The following ZCCHC7 variants were observed in gnomAD, a reference collection of about 807,000 sequenced individuals.
ZCCHC7 encodes the protein zinc finger CCHC domain-containing protein 7.
In ZCCHC7, 35 loss-of-function variants were observed where a neutral mutation model predicts 52.0. The observed-to-expected ratio is 0.67, with a 90% CI of 0.51 to 0.89. ZCCHC7 has a LOEUF of 0.89. ZCCHC7 is among the 40% of genes least tolerant of loss of function. The pLI is 0.00. For missense variants in ZCCHC7, 574 were observed against 649.1 expected, an observed-to-expected ratio of 0.88 and a Z score of 1.26; for synonymous variants, 217 against 221.5, an observed-to-expected ratio of 0.98 and a Z score of 0.18.
chr9:37,338,343 A>G, intron 6 of ZCCHC7, among the ~76,000 whole-genome samples: 1 of 152,290 alleles, frequency 6.6e-6, no homozygotes, highest in Middle Eastern at 3.4e-3. Context: ...AAGTTATACC[A>G]ATAATTTATA....
intron 6 of ZCCHC7, among the ~76,000 whole-genome samples, chr9:37,342,414 A>G (rs1820697886): frequency 6.6e-6 from 1 of 152,234 alleles, no homozygotes; most frequent in Non-Finnish European, 1.5e-5. Flanking sequence ...TAGAGTTAAC[A>G]GAGATCAAGG....
chr9:37,292,144 GT>G (rs1330811776), intron 2 of ZCCHC7, among the ~76,000 whole-genome samples: 1 of 152,114 alleles, frequency 6.6e-6, no homozygotes, highest in Non-Finnish European at 1.5e-5. Context: ...AATAATATGC[GT>G]TTGCTGTCTT....
Position 37,354,937 on chromosome 9 carries a change from G to GC in ZCCHC7, c.1198+113_1198+114insC. ...TTGGTTAGCATAGAAAGTATTTTTA[G>GC]TAATTACCAAAGAGACTGGAACTTT... On this transcript the variant is annotated intron_variant, in intron 8 of 8. Transcript: ENST00000336755. This position sits in a 1 kb window ranked among gnomAD's most constrained non-coding sequence, Gnocchi z 4.0. The GC allele has an allele frequency of 1.6e-6, 1 of 629,986 alleles. No individual in the cohort carries two copies. The highest frequency in any genetic ancestry group is 2.6e-6 in the Non-Finnish European group (1 of 377,776). The allele number at this position is 629,986 out of a possible 1,614,324, so 39.0% of individuals were successfully genotyped here. A position where few individuals can be genotyped will look rare whatever the true frequency, so the allele number is the denominator to read the frequency against.
intron 2 of ZCCHC7, among the ~76,000 whole-genome samples, chr9:37,270,134 A>G (rs1002328827): frequency 6.6e-6 from 1 of 152,224 alleles, no homozygotes; most frequent in Non-Finnish European, 1.5e-5. Context: ...TATTTTAGCT[A>G]TATTGTGCTA....
At chr9:37,298,998 T>C in intron 2 of ZCCHC7, among the ~76,000 whole-genome samples, 1 of 152,268 alleles carries the variant, frequency 6.6e-6, no homozygotes, top group East Asian at 1.9e-4. Flanking sequence ...TTCCAATAGA[T>C]GTTTGTTAAA....
intron 2 of ZCCHC7, among the ~76,000 whole-genome samples, chr9:37,166,749 T>C (rs1386604469): frequency 6.6e-6 from 1 of 152,188 alleles, no homozygotes; most frequent in East Asian, 1.9e-4. Flanking sequence ...TGTGTCTTTA[T>C]TTTCTCTTTG....
chr9:37,311,548 T>G (rs1018126775), intron 5 of ZCCHC7, among the ~76,000 whole-genome samples: 15 of 152,272 alleles, frequency 9.9e-5, no homozygotes, highest in African/African-American at 3.6e-4. Context: ...TAGCTGGGAT[T>G]ACAGGCATGA....
At chr9:37,202,094 T>C (rs956010040) in intron 2 of ZCCHC7, among the ~76,000 whole-genome samples, 5 of 152,248 alleles carry the variant, frequency 3.3e-5, no homozygotes, top group African/African-American at 9.6e-5. Flanking sequence ...GTCTCTGATA[T>C]AATGCATAAA....
chr9:37,348,970 C>T (rs1481482060), intron 6 of ZCCHC7, among the ~76,000 whole-genome samples: 3 of 152,172 alleles, frequency 2.0e-5, no homozygotes, highest in Non-Finnish European at 2.9e-5. Flanking sequence ...TAACCCCATC[C>T]GCTGGTGGGG....
chr9:37,252,365 A>G (rs1186169935), intron 2 of ZCCHC7, among the ~76,000 whole-genome samples: 1 of 152,240 alleles, frequency 6.6e-6, no homozygotes, highest in Non-Finnish European at 1.5e-5. Flanking sequence ...AGGCAAAAGT[A>G]AAAATATGCA....
At chr9:37,248,099 T>C (rs2133382068) in intron 2 of ZCCHC7, among the ~76,000 whole-genome samples, 1 of 152,310 alleles carries the variant, frequency 6.6e-6, no homozygotes, top group East Asian at 1.9e-4. Context: ...TTAAAAATTA[T>C]TTTTAGTGTT....
At position 37,283,013 on chromosome 9, in the gene ZCCHC7, C is replaced by T. The variant is rs1210815771; in HGVS notation, c.611-19175C>T. Among the ~76,000 whole-genome samples, 3 of 151,306 alleles carry T rather than the reference C, an allele frequency of 2.0e-5. No homozygotes were observed. In the East Asian group the frequency reaches 5.8e-4, roughly 29 times the overall value. On this transcript the variant is annotated intron_variant, in intron 2 of 8. Coordinates refer to ENST00000336755, the MANE Select transcript of ZCCHC7 (RefSeq NM_032226.3). ...GTGTTGAAGCAACTCAATCATGCTACTACTAATAGTTCCTCTTGGGTTGAG... is the reference window on the plus strand; with the variant it reads ...GTGTTGAAGCAACTCAATCATGCTATTACTAATAGTTCCTCTTGGGTTGAG...
intron 2 of ZCCHC7, among the ~76,000 whole-genome samples, chr9:37,250,338 G>A (rs1331789739): frequency 8.0e-6 from 1 of 124,264 alleles, no homozygotes; most frequent in Non-Finnish European, 1.6e-5. Context: ...TTTTTGCTCT[G>A]TTGTCCAGAT....
At position 37,227,699 on chromosome 9, in the gene ZCCHC7, C is replaced by T. The variant is rs140372503; in HGVS notation, c.611-74489C>T. 1.7e-4 allele frequency among the ~76,000 whole-genome samples: 26 copies of T among 152,308 alleles called. No individual in the cohort carries two copies. In the East Asian group the frequency reaches 4.6e-3, roughly 27 times the overall value. ...TTGAAATAACCTGAATGTTCGTCAC[C>T]TAGTAAACTGATAAGCAAATGTTGA... On this transcript the variant is annotated intron_variant, in intron 2 of 8. Transcript: ENST00000336755.
intron 2 of ZCCHC7, among the ~76,000 whole-genome samples, chr9:37,144,243 G>A (rs549797765): frequency 6.6e-6 from 1 of 151,888 alleles, no homozygotes; most frequent in African/African-American, 2.4e-5. Context: ...GAGAAATCTG[G>A]TCAAGTATAG....
chr9:37,329,970 A>T (rs963392359), intron 6 of ZCCHC7, among the ~76,000 whole-genome samples: 3 of 151,954 alleles, frequency 2.0e-5, no homozygotes, highest in Non-Finnish European at 4.4e-5. Flanking sequence ...CTTACCCCAA[A>T]TGATGGCAAA....
intron 2 of ZCCHC7, among the ~76,000 whole-genome samples, chr9:37,165,868 A>C (rs952083491): frequency 2.0e-5 from 3 of 152,260 alleles, no homozygotes. Flanking sequence ...TGGAAAATTC[A>C]GATTCATCAA....
chr9:37,203,646 T>C (rs1050749595), intron 2 of ZCCHC7, among the ~76,000 whole-genome samples: 1 of 152,236 alleles, frequency 6.6e-6, no homozygotes, highest in African/African-American at 2.4e-5. Flanking sequence ...CTCATTCCTT[T>C]TTGTGGCTGC....
intron 2 of ZCCHC7, among the ~76,000 whole-genome samples, chr9:37,258,576 G>A (rs1826703882): frequency 6.6e-6 from 1 of 151,790 alleles, no homozygotes; most frequent in Non-Finnish European, 1.5e-5. Context: ...GGGCAACATG[G>A]TGGGACCCAG....
Sources: gnomAD v4.1 joint callset for allele counts (sites outside exome capture counted in the v4.1 genomes callset) on GRCh38, gnomAD v4.1.1 for gene constraint, Gnocchi (gnomAD v3.1) non-coding constraint, MANE v1.5 for transcripts, NCBI Gene and HGNC (gene_info 2026-07-23, HGNC 2026-07-21) for gene names.